The following NPC2 variants were observed in gnomAD, a reference collection of about 807,000 sequenced individuals.
The protein encoded by NPC2 is NPC intracellular cholesterol transporter 2, also known as Niemann-Pick disease type C2 protein.
NPC2 carries 14 observed loss-of-function variants against 17.0 expected under a neutral mutation model. That is an observed-to-expected ratio of 0.82 (90% CI 0.54 to 1.29). The LOEUF is 1.29. Ranked by LOEUF, NPC2 falls within the 50% of genes most tolerant of loss-of-function variation. The probability of loss-of-function intolerance (pLI) is 0.00; values close to 1 mark genes in which losing one functional copy is unlikely to be tolerated. For synonymous variants in NPC2, 75 were observed against 69.3 expected (o/e 1.08, Z -0.41); for missense variants, 167 against 183.4 (o/e 0.91, Z 0.52).
intron 1 of NPC2, among the ~76,000 whole-genome samples, chr14:74,492,355 C>T (rs780003980): frequency 6.6e-6 from 1 of 152,186 alleles, no homozygotes; most frequent in Non-Finnish European, 1.5e-5. Context: ...TACTCTGGCT[C>T]CCCATTCTGC....
rs2139667977 is a variant in NPC2 at position 74,484,478 on chromosome 14, A to G, written c.300T>C (p.Pro100=). The G allele has an allele frequency of 6.2e-7, 1 of 1,614,088 alleles. No homozygotes were observed. Among genetic ancestry groups the G allele is most frequent in the African/African-American group, 1.3e-5 (1 of 75,004 alleles). ...PDGCKSGINC[P]IQKDKTYSYL... is the part of the protein sequence containing the mutation. ...AGCTATAGGTCTTGTCTTTTTGGAT[A>G]GGGCAGTTAATTCCACTCTTACAAC... Residue 100 remains proline, a synonymous_variant, in exon 3 of 5, where the codon CCT becomes CCC. Transcript: ENST00000555619.
In NPC2 at chr14:74,493,078, G is replaced by A; in HGVS notation, c.82+115C>T. Reference sequence around the variant, plus strand: ...CCATTCCAGTTAGGTAGGGTCCAAGGCTCAGCCTGGCCGCCCGAGGGATCC... The same window carrying A: ...CCATTCCAGTTAGGTAGGGTCCAAGACTCAGCCTGGCCGCCCGAGGGATCC... On this transcript the variant is annotated intron_variant, in intron 1 of 4. Transcript: ENST00000555619. The surrounding 1 kb of genome is among the most constrained non-coding windows in gnomAD (Gnocchi z 4.1). The A allele has an allele frequency of 2.9e-6, 4 of 1,359,824 alleles. No homozygotes were observed. Among genetic ancestry groups the A allele is most frequent in the Non-Finnish European group, 4.0e-6 (4 of 990,336 alleles). 84.2% of individuals were successfully genotyped at this position (1,359,824 alleles called of 1,614,324 possible).
At position 74,480,007 on chromosome 14, in the gene NPC2, C is replaced by G. The variant is rs759972602; in HGVS notation, c.*267G>C. On this transcript the variant is annotated 3_prime_UTR_variant, in exon 5 of 5. Transcript: ENST00000555619. ...AATTTCCAGGTGTAGAAAGAGGCCA[C>G]AAGTTAATGTTGTTAAAAAAAAAAT... The G allele has an allele frequency of 7.0e-7, 1 of 1,429,254 alleles. No individual in the cohort carries two copies. The highest frequency in any genetic ancestry group is 9.1e-7 in the Non-Finnish European group (1 of 1,093,558). The allele number at this position is 1,429,254 out of a possible 1,614,324, so 88.5% of individuals were successfully genotyped here. A position where few individuals can be genotyped will look rare whatever the true frequency, so the allele number is the denominator to read the frequency against.
chr14:74,491,410 G>A (rs900774034), intron 1 of NPC2, among the ~76,000 whole-genome samples: 2 of 152,082 alleles, frequency 1.3e-5, no homozygotes, highest in African/African-American at 4.8e-5. Flanking sequence ...TCATCCAAAC[G>A]CTGGCTACTA....
chr14:74,490,332 C>T (rs2086757830), intron 1 of NPC2, among the ~76,000 whole-genome samples: 1 of 152,198 alleles, frequency 6.6e-6, no homozygotes, highest in African/African-American at 2.4e-5. Flanking sequence ...GTAAATAGTA[C>T]CTTGCAGTCC....
upstream of NPC2, chr14:74,493,365 C>T (rs2086799872): frequency 6.4e-7 from 1 of 1,554,928 alleles, no homozygotes. The surrounding 1 kb of genome is among the most constrained non-coding windows in gnomAD (Gnocchi z 4.1). Flanking sequence ...GGGAGGAGCC[C>T]AGTCAGGCGA....
chr14:74,491,390 AAT>A (rs2139674707), intron 1 of NPC2, among the ~76,000 whole-genome samples: 1 of 152,272 alleles, frequency 6.6e-6, no homozygotes, highest in Non-Finnish European at 1.5e-5. Flanking sequence ...TATTAAAATT[AAT>A]AGTGTCTTCA....
chr14:74,489,524 C>A (rs534109734), intron 1 of NPC2, among the ~76,000 whole-genome samples: 1 of 134,998 alleles, frequency 7.4e-6, no homozygotes, highest in South Asian at 2.7e-4. Context: ...TGGGAACCTG[C>A]GTTCTTAAAA....
chr14:74,481,801 G>C (rs1566601449), intron 3 of NPC2, among the ~76,000 whole-genome samples: 1 of 152,296 alleles, frequency 6.6e-6, no homozygotes, highest in East Asian at 1.9e-4. Flanking sequence ...CATATCACGT[G>C]AGTGGTCCCT....
Position 74,484,517 on chromosome 14 carries a change from A to G in NPC2, c.261T>C (p.Ile87=). Reference sequence around the variant, plus strand: ...CACTCTTACAACCATCAGGCTCAGGAATGGGAAAGGGAACTGGGACGCCCA... The same window carrying G: ...CACTCTTACAACCATCAGGCTCAGGGATGGGAAAGGGAACTGGGACGCCCA... The part of the protein sequence containing the change: ...ILMGVPVPFP[I]PEPDGCKSGI... Residue 87 remains isoleucine (I), a synonymous_variant, in exon 3 of 5, where the codon ATT becomes ATC. Coordinates refer to ENST00000555619, the MANE Select transcript of NPC2 (RefSeq NM_006432.5). The G allele has an allele frequency of 6.2e-7, 1 of 1,614,126 alleles. No individual in the cohort carries two copies. Among genetic ancestry groups the G allele is most frequent in the Non-Finnish European group, 8.5e-7 (1 of 1,180,022 alleles).
At chr14:74,486,176 G>T in intron 2 of NPC2, among the ~76,000 whole-genome samples, 153 bp downstream of exon 2, 1 of 152,176 alleles carries the variant, frequency 6.6e-6, no homozygotes, top group Admixed American at 6.5e-5. Context: ...GTGTCCAAGG[G>T]CACAGTGAAC....
chr14:74,488,911 C>T (rs985446353), intron 1 of NPC2, among the ~76,000 whole-genome samples: 4 of 152,156 alleles, frequency 2.6e-5, no homozygotes, highest in African/African-American at 7.2e-5. Flanking sequence ...TTGGGAACTG[C>T]ACCATTTTCA....
Position 74,493,279 on chromosome 14 carries a change from G to A in NPC2, c.-5C>T. On this transcript the variant is annotated 5_prime_UTR_variant, in exon 1 of 5. Coordinates refer to ENST00000555619, the MANE Select transcript of NPC2 (RefSeq NM_006432.5). This position sits in a 1 kb window ranked among gnomAD's most constrained non-coding sequence, Gnocchi z 4.1. ...TGTAGCTGCCAGGAAACGCATCGCG[G>A]ATAACGAAGTTCCAAGCTCGGGAAA... is the stretch of plus-strand genomic sequence containing the variant. The A allele has an allele frequency of 3.7e-6, 6 of 1,612,794 alleles. No individual in the cohort carries two copies. Among genetic ancestry groups the A allele is most frequent in the Non-Finnish European group, 5.1e-6 (6 of 1,179,570 alleles).
chr14:74,483,102 A>C, intron 3 of NPC2: 1 of 1,060,346 alleles, frequency 9.4e-7, no homozygotes, highest in Non-Finnish European at 1.5e-6. Flanking sequence ...AGCAAGTTGA[A>C]GTCAACTGCC....
intron 3 of NPC2, among the ~76,000 whole-genome samples, chr14:74,483,798 C>T (rs951017059): frequency 2.0e-5 from 3 of 152,152 alleles, no homozygotes; most frequent in East Asian, 3.8e-4. Flanking sequence ...TTAGATATTG[C>T]TACTATAATC....
chr14:74,487,886 A>G (rs922648050), intron 1 of NPC2, among the ~76,000 whole-genome samples: 1 of 152,238 alleles, frequency 6.6e-6, no homozygotes, highest in Non-Finnish European at 1.5e-5. Flanking sequence ...GGTATTTATC[A>G]TCCTTGTTTT....
At chr14:74,485,511 T>C (rs2086704155) in intron 2 of NPC2, among the ~76,000 whole-genome samples, 1 of 151,690 alleles carries the variant, frequency 6.6e-6, no homozygotes, top group Non-Finnish European at 1.5e-5. Context: ...GGATGACTTG[T>C]TCAGAAGGCT....
intron 1 of NPC2, among the ~76,000 whole-genome samples, chr14:74,492,270 C>A (rs541705494): frequency 6.6e-6 from 1 of 152,298 alleles, no homozygotes; most frequent in East Asian, 1.9e-4. Context: ...ACTCTTTTCG[C>A]CACTGCAAAT....
intron 1 of NPC2, among the ~76,000 whole-genome samples, chr14:74,488,876 A>G (rs902375032): frequency 2.0e-5 from 3 of 152,178 alleles, no homozygotes; most frequent in Admixed American, 2.0e-4. Context: ...GACCCTTAAG[A>G]GAGGAACTAC....
Sources: allele counts gnomAD v4.1 joint callset (sites outside exome capture counted in the v4.1 genomes callset), GRCh38; gene constraint gnomAD v4.1.1; non-coding constraint Gnocchi (gnomAD v3.1); transcripts MANE v1.5; gene names NCBI Gene and HGNC (gene_info 2026-07-23, HGNC 2026-07-21).